Variants in ZC3H12B observed in about 807,000 individuals in gnomAD.
ZC3H12B encodes probable ribonuclease ZC3H12B.
In ZC3H12B, 7 loss-of-function variants were observed where a neutral mutation model predicts 43.9. The ratio of observed to expected loss-of-function variants is 0.16; its 90% CI spans 0.09 to 0.30. The LOEUF is 0.30. Ranked by LOEUF, ZC3H12B falls within the 10% of genes least tolerant of loss-of-function variation. The pLI is 1.00. For synonymous variants in ZC3H12B, 222 were observed against 241.7 expected (o/e 0.92, Z 0.76); for missense variants, 475 against 670.2 (o/e 0.71, Z 3.22).
At chrX:65,451,141 G>A (rs2067503192) in intron 3 of ZC3H12B, among the ~76,000 whole-genome samples, 1 of 109,400 alleles carries the variant, frequency 9.1e-6, no homozygotes, top group South Asian at 3.9e-4. Context: ...GTAGAGATGG[G>A]GTTTCACCGT....
intron 3 of ZC3H12B, among the ~76,000 whole-genome samples, chrX:65,453,392 AT>A (rs1459849596): frequency 9.8e-4 from 86 of 88,117 alleles, no homozygotes; most frequent in African/African-American, 2.9e-3. Context: ...ATATATATAT[AT>A]ATATATATAT....
chrX:65,303,748 C>A, the ZC3H12B span, among the ~76,000 whole-genome samples: 2 of 112,283 alleles, frequency 1.8e-5, no homozygotes, highest in East Asian at 2.8e-4. Context: ...TTTCTATATA[C>A]CAGCAATAAA....
At chrX:65,182,775 A>C in the ZC3H12B span, among the ~76,000 whole-genome samples, 1 of 111,765 alleles carries the variant, frequency 8.9e-6, no homozygotes, top group African/African-American at 3.2e-5. Flanking sequence ...GTGGACAGAC[A>C]CATTTTAAAA....
At chrX:65,473,620 T>A (rs932636626) in intron 3 of ZC3H12B, among the ~76,000 whole-genome samples, 2 of 112,174 alleles carry the variant, frequency 1.8e-5, no homozygotes, top group Non-Finnish European at 3.8e-5. Context: ...GTATAAGTCT[T>A]TCACCTACAG....
chrX:65,057,176 CCTTGATGGT>C, the ZC3H12B span, among the ~76,000 whole-genome samples: 1 of 111,721 alleles, frequency 9.0e-6, no homozygotes, highest in African/African-American at 3.3e-5. Flanking sequence ...TTCTTCCTAG[CCTTGATGGT>C]CTTTACAATT....
chrX:65,329,009 A>G, the ZC3H12B span, among the ~76,000 whole-genome samples: 4 of 110,656 alleles, frequency 3.6e-5, no homozygotes, highest in Admixed American at 3.9e-4. Flanking sequence ...CAATAAACAT[A>G]CATGTGCATG....
At chrX:65,362,766 C>T (rs1033326242), upstream of ZC3H12B, among the ~76,000 whole-genome samples, 2 of 110,927 alleles carry the variant, frequency 1.8e-5, no homozygotes, top group Admixed American at 9.6e-5. Flanking sequence ...CTTTTAAAGC[C>T]TATAAACTCT....
the ZC3H12B span, among the ~76,000 whole-genome samples, chrX:65,277,652 T>A: frequency 5.2e-4 from 58 of 111,564 alleles, no homozygotes; most frequent in Non-Finnish European, 8.1e-4. Context: ...AATATAAAAA[T>A]TTTTTGAAAC....
rs5964967 is a variant in ZC3H12B, at chrX:65,408,149, G to C, written n.407+9445G>C. 57,985 of 1,199,107 alleles carry C rather than the reference G, an allele frequency of 0.048. 13,724 individuals carry two copies. In the African/African-American group the frequency reaches 0.79, roughly 16 times the overall value. ...AGGCCAGCCCTTCAAGTTCAGTATC[G>C]CGGAGTCCCTGGACCGGATTAAAGA... On this transcript the variant is annotated intron_variant and non_coding_transcript_variant, in intron 3 of 5. Transcript: ENST00000617377.
At chrX:65,424,791 T>C (rs975269282) in intron 3 of ZC3H12B, among the ~76,000 whole-genome samples, 4 of 111,877 alleles carry the variant, frequency 3.6e-5, no homozygotes, top group African/African-American at 1.3e-4. Flanking sequence ...TGTGGTCTTA[T>C]TTCTGGGTTC....
At chrX:65,235,344 T>C in the ZC3H12B span, among the ~76,000 whole-genome samples, 1 of 112,145 alleles carries the variant, frequency 8.9e-6, no homozygotes. Flanking sequence ...CTCCACAACC[T>C]CACCAGCATC....
intron 3 of ZC3H12B, among the ~76,000 whole-genome samples, chrX:65,443,327 G>C (rs766815012): frequency 6.3e-5 from 7 of 110,763 alleles, no homozygotes; most frequent in Non-Finnish European, 1.3e-4. Context: ...GAGCCCCCAC[G>C]AATGGACGCC....
chrX:65,283,216 C>T, the ZC3H12B span, among the ~76,000 whole-genome samples: 526 of 111,602 alleles, frequency 4.7e-3, 2 homozygotes, highest in Non-Finnish European at 8.1e-3. Flanking sequence ...GAACCAAAGA[C>T]AAAAACCACG....
At chrX:65,364,958 G>A (rs953161238), upstream of ZC3H12B, among the ~76,000 whole-genome samples, 2 of 111,259 alleles carry the variant, frequency 1.8e-5, no homozygotes, top group African/African-American at 6.5e-5. Context: ...ATGGGTAGAG[G>A]CCTTTCCCAC....
chrX:65,225,982 C>T, the ZC3H12B span, among the ~76,000 whole-genome samples: 4 of 111,823 alleles, frequency 3.6e-5, no homozygotes, highest in African/African-American at 1.3e-4. Context: ...CTTCCCCAAT[C>T]TAGCAAGGAA....
At chrX:65,383,437 T>G (rs1036779084) in intron 2 of ZC3H12B, among the ~76,000 whole-genome samples, 4 of 111,483 alleles carry the variant, frequency 3.6e-5, no homozygotes, top group Non-Finnish European at 7.5e-5. Flanking sequence ...CCTTACACCT[T>G]ATACAAAAAT....
the ZC3H12B span, among the ~76,000 whole-genome samples, chrX:65,197,070 G>T: frequency 7.2e-5 from 8 of 111,825 alleles, no homozygotes; most frequent in Non-Finnish European, 1.5e-4. Flanking sequence ...GAGCCAGCAA[G>T]TGCCCCCAGG....
the ZC3H12B span, among the ~76,000 whole-genome samples, chrX:65,044,253 A>G: frequency 9.0e-6 from 1 of 111,703 alleles, no homozygotes; most frequent in Non-Finnish European, 1.9e-5. Flanking sequence ...CTGGAGGAAG[A>G]ACATTTCAGG....
the ZC3H12B span, among the ~76,000 whole-genome samples, chrX:65,145,119 A>G: frequency 9.0e-5 from 10 of 111,519 alleles, no homozygotes; most frequent in South Asian, 3.0e-3. Context: ...TAGGTCTACT[A>G]TTAATCGTTT....
Sources: allele counts gnomAD v4.1 joint callset (sites outside exome capture counted in the v4.1 genomes callset), GRCh38; gene constraint gnomAD v4.1.1; transcripts MANE v1.5; gene names NCBI Gene and HGNC (gene_info 2026-07-23, HGNC 2026-07-21).